FER1L5: variants seen among roughly 807,000 people sequenced by gnomAD.
The protein encoded by FER1L5 is fer-1-like protein 5.
A neutral mutation model predicts 279.9 loss-of-function variants in FER1L5; 187 were observed. That is an observed-to-expected ratio of 0.67 (90% CI 0.59 to 0.75). FER1L5 has a LOEUF of 0.75. FER1L5 is among the 30% of genes least tolerant of loss of function. The pLI is 0.00. For missense variants in FER1L5, 2,091 were observed against 2,594.4 expected, an observed-to-expected ratio of 0.81 and a Z score of 4.21; for synonymous variants, 921 against 989.7, an observed-to-expected ratio of 0.93 and a Z score of 1.30.
chr2:96,652,032 G>A lies in FER1L5; in HGVS notation c.633+12G>A, dbSNP rs766575633. 4.8e-5 allele frequency: 75 copies of A among 1,551,442 alleles called. No individual in the cohort carries two copies. The highest frequency in any genetic ancestry group is 7.3e-5 in the East Asian group (3 of 40,922). Reference sequence around the variant, plus strand: ...CTTTCTTTAATGAGGTGGGCTGAACGGGGCACATCAGGCAAGGAGCCAGCC... The same window carrying A: ...CTTTCTTTAATGAGGTGGGCTGAACAGGGCACATCAGGCAAGGAGCCAGCC... On this transcript the variant is annotated intron_variant, in intron 7 of 52. Coordinates refer to ENST00000624922, the MANE Select transcript of FER1L5 (RefSeq NM_001293083.2).
intron 9 of FER1L5, among the ~76,000 whole-genome samples, chr2:96,655,638 C>T (rs1047504387): frequency 6.6e-6 from 1 of 152,118 alleles, no homozygotes; most frequent in African/African-American, 2.4e-5. Flanking sequence ...CAAAGGCCAC[C>T]GCATGATTTC....
In FER1L5 at chr2:96,665,322, C is replaced by T. The variant is rs2076091307; in HGVS notation, c.1140+1815C>T. Among the ~76,000 whole-genome samples, 4 of 152,172 alleles carry T rather than the reference C, an allele frequency of 2.6e-5. No homozygotes were observed. The South Asian group carries it at 8.3e-4, about 31-fold the overall frequency. ...GCGCTCCCCTTCTCCCTCCTGTGAACTCCCCTCCTTGCTGCTTCTAGTAGC... is the reference window on the plus strand; with the variant it reads ...GCGCTCCCCTTCTCCCTCCTGTGAATTCCCCTCCTTGCTGCTTCTAGTAGC... On this transcript the variant is annotated intron_variant, in intron 14 of 52. Transcript: ENST00000624922.
chr2:96,651,866 C>G (rs145132754), intron 6 of FER1L5, 26 bp from the exon 7 acceptor site: 15 of 1,551,914 alleles, frequency 9.7e-6, no homozygotes, highest in East Asian at 2.4e-5. Flanking sequence ...CCCTCAATAT[C>G]AGCTCCCCAT....
At chr2:96,697,613 G>T (rs749032303) in intron 38 of FER1L5, 37 bp downstream of exon 38, 2 of 1,613,676 alleles carry the variant, frequency 1.2e-6, no homozygotes, top group South Asian at 2.2e-5. Context: ...GCAGGGAGGT[G>T]GGGGGCTGCC....
In FER1L5 at chr2:96,684,275, C is replaced by T. The variant is rs1655497922; in HGVS notation, c.1670-52C>T. On this transcript the variant is annotated intron_variant, in intron 19 of 52. Transcript: ENST00000624922. ...TCGGAGGGAGCACAGTGAGAAGAGA[C>T]CTCCCAGAATCCCCCAGACACCCCA... The T allele has an allele frequency of 1.8e-5, 28 of 1,534,570 alleles. No homozygotes were observed. In the South Asian group the frequency reaches 3.3e-4, roughly 18 times the overall value.
At chr2:96,690,965 T>C (rs2106635098) in intron 27 of FER1L5, among the ~76,000 whole-genome samples, 1 of 152,270 alleles carries the variant, frequency 6.6e-6, no homozygotes, top group South Asian at 2.1e-4. Context: ...CTTGTGCGAG[T>C]CACAGGACTT....
chr2:96,701,863 C>A, intron 45 of FER1L5, 92 bp from the exon 46 acceptor site: 5 of 1,264,584 alleles, frequency 4.0e-6, no homozygotes, highest in South Asian at 1.3e-5. Flanking sequence ...ACAACCTCAA[C>A]AGACCTCAGA....
intron 9 of FER1L5, among the ~76,000 whole-genome samples, chr2:96,656,208 A>T (rs1429711493): frequency 6.6e-6 from 1 of 152,238 alleles, no homozygotes; most frequent in Non-Finnish European, 1.5e-5. Context: ...TTGCAAAAAC[A>T]TAAGGATTTT....
In FER1L5 at chr2:96,702,872, C is replaced by A; in HGVS notation, c.5398-106C>A. ...TCAGAAACATGTCCTCAGGTGGAAA[C>A]CCTCTTCCTTGATAGTCTATCACTG... On this transcript the variant is annotated intron_variant, in intron 48 of 52. Transcript: ENST00000624922. This position sits in a 1 kb window ranked among gnomAD's most constrained non-coding sequence, Gnocchi z 4.0. 1 of 1,529,488 alleles carries A rather than the reference C, an allele frequency of 6.5e-7. No homozygotes were observed. Among genetic ancestry groups the A allele is most frequent in the South Asian group, 1.2e-5 (1 of 82,808 alleles). The allele number at this position is 1,529,488 out of a possible 1,614,324, so 94.7% of individuals were successfully genotyped here.
Position 96,669,274 on chromosome 2 carries a change from C to A in FER1L5, c.1362+137C>A, listed in dbSNP as rs1573855819. 7.7e-6 allele frequency: 6 copies of A among 778,216 alleles called. No individual in the cohort carries two copies. The East Asian group carries it at 1.6e-4, about 21-fold the overall frequency. 48.2% of individuals were successfully genotyped at this position (778,216 alleles called of 1,614,324 possible). A position where few individuals can be genotyped will look rare whatever the true frequency, so the allele number is the denominator to read the frequency against. ...GTCTTGTGGAGGACGTGAAGCCTGT[C>A]CATGAGCAGCCACGTGCATGTGGGA... On this transcript the variant is annotated intron_variant, in intron 17 of 52. Coordinates refer to ENST00000624922, the MANE Select transcript of FER1L5 (RefSeq NM_001293083.2).
At chr2:96,695,346 T>C in intron 34 of FER1L5, 163 bp from the exon 35 acceptor site, 1 of 910,300 alleles carries the variant, frequency 1.1e-6, no homozygotes, top group Non-Finnish European at 1.6e-6. Context: ...CGGGGAAGCC[T>C]GTCCTTGTGC....
At chr2:96,653,271 G>A in intron 7 of FER1L5, 1 of 240,274 alleles carries the variant, frequency 4.2e-6, no homozygotes, top group South Asian at 4.7e-5. Context: ...GAGAGAAGTG[G>A]CACAAGTTGA....
chr2:96,691,690 G>A lies in FER1L5; in HGVS notation c.3075+78G>A, dbSNP rs1048724003. The A allele has an allele frequency of 1.2e-5, 18 of 1,533,648 alleles. No individual in the cohort carries two copies. Among genetic ancestry groups the A allele is most frequent in the Middle Eastern group, 1.7e-4 (1 of 5,902 alleles). ...AGCCAGGGCCTGGCCTGGCTGGGGC[G>A]CTGACTGCGGAGGAAGGGCCTCTGT... On this transcript the variant is annotated intron_variant, in intron 29 of 52. Transcript: ENST00000624922. This position sits in a 1 kb window ranked among gnomAD's most constrained non-coding sequence, Gnocchi z 6.0.
In FER1L5 at chr2:96,661,718, C is replaced by G. The variant is rs1010815886; in HGVS notation, c.945C>G (p.Phe315Leu). Residue 315 changes from phenylalanine (F) to leucine (L), a missense_variant, in exon 12 of 53, where the codon TTC (phenylalanine) becomes TTG (leucine). Phe to Leu is a conservative substitution (Grantham distance 22). Transcript: ENST00000624922. ...YGTDDTDIQI[F>L]KSAVVPINMA... ...CCGATGACACCGATATTCAGATCTT[C>G]AAGTCAGCGGTAGTCCCGATCAACA... is the stretch of plus-strand genomic sequence containing the variant. The G allele has an allele frequency of 1.3e-6, 2 of 1,551,706 alleles. No individual in the cohort carries two copies. Among genetic ancestry groups the G allele is most frequent in the Non-Finnish European group, 1.7e-6 (2 of 1,146,998 alleles).
chr2:96,646,125 A>C (rs1017697002), intron 1 of FER1L5, among the ~76,000 whole-genome samples: 8 of 151,258 alleles, frequency 5.3e-5, no homozygotes, highest in Non-Finnish European at 1.2e-4. Flanking sequence ...CAGCCTCCCA[A>C]GTAGCTGGGA....
rs1331022286 is a variant in FER1L5, at chr2:96,702,467, C to G, written c.5255+66C>G. ...CCCCAGTTCTGTCATCCTGCTGGCACGGCCCAGTCCTGAATGGGACACCTC... is the reference window on the plus strand; with the variant it reads ...CCCCAGTTCTGTCATCCTGCTGGCAGGGCCCAGTCCTGAATGGGACACCTC... On this transcript the variant is annotated intron_variant, in intron 47 of 52. Transcript: ENST00000624922. This position sits in a 1 kb window ranked among gnomAD's most constrained non-coding sequence, Gnocchi z 4.0. The G allele has an allele frequency of 6.4e-7, 1 of 1,560,612 alleles. No homozygotes were observed. The highest frequency in any genetic ancestry group is 8.7e-7 in the Non-Finnish European group (1 of 1,152,812).
intron 19 of FER1L5, 89 bp downstream of exon 19, chr2:96,673,343 A>G: frequency 2.3e-6 from 3 of 1,315,410 alleles, no homozygotes; most frequent in Non-Finnish European, 3.1e-6. Context: ...AGCTCATGGA[A>G]GATTCATAGG....
intron 11 of FER1L5, 47 bp downstream of exon 11, chr2:96,661,487 T>G (rs776423892): frequency 2.8e-5 from 43 of 1,529,690 alleles, no homozygotes; most frequent in Non-Finnish European, 3.7e-5. Context: ...GGCTGCCTCC[T>G]GGGGGCACCC....
At chr2:96,668,033 G>C (rs530971332) in intron 14 of FER1L5, among the ~76,000 whole-genome samples, 1 of 151,964 alleles carries the variant, frequency 6.6e-6, no homozygotes, top group Non-Finnish European at 1.5e-5. Flanking sequence ...GCTAATTTTT[G>C]TATTTTTTGT....
Sources: allele counts gnomAD v4.1 joint callset (sites outside exome capture counted in the v4.1 genomes callset), GRCh38; gene constraint gnomAD v4.1.1; non-coding constraint Gnocchi (gnomAD v3.1); transcripts MANE v1.5; gene names NCBI Gene and HGNC (gene_info 2026-07-23, HGNC 2026-07-21).